ANGPT2: variants seen among roughly 807,000 people sequenced by gnomAD.
ANGPT2 encodes the protein angiopoietin 2.
ANGPT2 carries 28 observed loss-of-function variants against 62.9 expected under a neutral mutation model. The ratio of observed to expected loss-of-function variants is 0.44; its 90% confidence interval spans 0.33 to 0.61. The LOEUF (loss-of-function observed/expected upper bound fraction) is 0.61. Ranked by LOEUF, ANGPT2 falls within the 20% of genes least tolerant of loss-of-function variation. The pLI is 0.03. For synonymous variants in ANGPT2, 284 were observed against 207.8 expected (o/e 1.37, Z -3.15); for missense variants, 727 against 594.9 (o/e 1.22, Z -2.31).
At chr8:6,504,304 T>A (rs560368080) in intron 8 of ANGPT2, among the ~76,000 whole-genome samples, 1 of 113,512 alleles carries the variant, frequency 8.8e-6, no homozygotes. Context: ...GGCGACAGAG[T>A]GAGACTCCAG....
At chr8:6,545,800 C>T (rs1822476346) in intron 1 of ANGPT2, among the ~76,000 whole-genome samples, 1 of 152,202 alleles carries the variant, frequency 6.6e-6, no homozygotes, top group Admixed American at 6.5e-5. Flanking sequence ...AATAGTTCTA[C>T]CCATTGCCCA....
intron 8 of ANGPT2, among the ~76,000 whole-genome samples, chr8:6,505,497 ATATATG>A (rs1488823435): frequency 0.089 from 288 of 3,252 alleles, 11 homozygotes; most frequent in African/African-American, 0.12. Context: ...TATATTCTTT[ATATATG>A]TATATATAGA....
rs756954281 is a variant in ANGPT2 at position 6,508,572 on chromosome 8, G to T, written c.1327+360C>A. 9.6e-6 allele frequency: 4 copies of T among 418,154 alleles called. No individual in the cohort carries two copies. The Admixed American group carries it at 1.3e-4, about 13-fold the overall frequency. 25.9% of individuals were successfully genotyped at this position (418,154 alleles called of 1,614,324 possible). ...TATAATCTATATTACTGTTGTGGTTGCTACTTGGAATTTTTAACTTTTTAC... is the reference window on the plus strand; with the variant it reads ...TATAATCTATATTACTGTTGTGGTTTCTACTTGGAATTTTTAACTTTTTAC... On this transcript the variant is annotated intron_variant, in intron 8 of 8. Coordinates refer to ENST00000629816, the MANE Select transcript of ANGPT2 (RefSeq NM_001118887.2).
At position 6,526,881 on chromosome 8, in the gene ANGPT2, AT is replaced by A. The variant is rs891585547; in HGVS notation, c.566+673del. 1.1e-4 allele frequency among the ~76,000 whole-genome samples: 16 copies of A among 151,746 alleles called. No homozygotes were observed. The East Asian group carries it at 2.1e-3, about 20-fold the overall frequency. On this transcript the variant is annotated intron_variant, in intron 3 of 8. Coordinates refer to ENST00000629816, the MANE Select transcript of ANGPT2 (RefSeq NM_001118887.2). The stretch of plus-strand genomic sequence containing the variant: ...AAACAGTCCCCACCTATCCCCTACA[AT>A]TTTTTTTCTATTGTTGATCTTGAGA...
chr8:6,562,893 G>A lies in ANGPT2; in HGVS notation c.42C>T (p.Val14=), dbSNP rs761906666. The change falls in exon 1 of 9, where the codon GTC becomes GTT. Residue 14 remains valine, a synonymous_variant. Transcript: ENST00000629816. ...IVFFTLSCDL[V]LAAAYNNFRK... ...GAAAGTTGTTATAGGCTGCGGCCAA[G>A]ACAAGATCACAGCTCAGAGTAAAGA... 7.5e-6 allele frequency: 12 copies of A among 1,608,154 alleles called. No individual in the cohort carries two copies. Among genetic ancestry groups the A allele is most frequent in the African/African-American group, 6.7e-5 (5 of 74,880 alleles).
chr8:6,523,789 A>T (rs1039412909), intron 3 of ANGPT2, among the ~76,000 whole-genome samples: 1 of 151,462 alleles, frequency 6.6e-6, no homozygotes. Flanking sequence ...TGGTTTCATT[A>T]TGTTGTCCAG....
At chr8:6,523,636 C>T (rs916948506) in intron 3 of ANGPT2, among the ~76,000 whole-genome samples, 3 of 152,130 alleles carry the variant, frequency 2.0e-5, no homozygotes, top group African/African-American at 7.2e-5. Flanking sequence ...GTGGCCTGGG[C>T]TGTTGTGCAG....
chr8:6,559,522 C>A (rs76364735), intron 1 of ANGPT2, among the ~76,000 whole-genome samples: 1 of 151,730 alleles, frequency 6.6e-6, no homozygotes, highest in Non-Finnish European at 1.5e-5. Flanking sequence ...AAACAAAAAA[C>A]GATGGCAGAG....
At chr8:6,550,668 T>C (rs1207029989) in intron 1 of ANGPT2, among the ~76,000 whole-genome samples, 1 of 152,200 alleles carries the variant, frequency 6.6e-6, no homozygotes, top group Non-Finnish European at 1.5e-5. Context: ...GTGGATTTTA[T>C]ATTGAAATCT....
chr8:6,513,377 G>A (rs1815570130), intron 7 of ANGPT2, among the ~76,000 whole-genome samples: 1 of 148,240 alleles, frequency 6.7e-6, no homozygotes, highest in Non-Finnish European at 1.5e-5. Flanking sequence ...CTGTCGCCCA[G>A]GTTGCAGTGC....
Position 6,521,198 on chromosome 8 carries a change from G to C in ANGPT2, c.779C>G (p.Thr260Ser). 1 of 1,613,312 alleles carries C rather than the reference G, an allele frequency of 6.2e-7. No individual in the cohort carries two copies. Among genetic ancestry groups the C allele is most frequent in the Non-Finnish European group, 8.5e-7 (1 of 1,179,448 alleles). The change falls in exon 4 of 9, where the codon ACT becomes AGT. Residue 260 changes from threonine (T) to serine (S), a missense_variant. Thr to Ser is a moderately conservative substitution (Grantham distance 58). Transcript: ENST00000629816. ...DLMETVNNLL[T>S]MMSTSNSKDP... ...CTTACAGTTTGATGTGGACATCATA[G>C]TCAGTAAGTTATTAACTGTCTCCAT...
intron 1 of ANGPT2, among the ~76,000 whole-genome samples, chr8:6,560,126 T>A (rs1563128066): frequency 6.6e-6 from 1 of 152,210 alleles, no homozygotes; most frequent in Non-Finnish European, 1.5e-5. Context: ...TGACACATGT[T>A]TTAATTTCCT....
At chr8:6,510,561 T>G (rs1202690507) in intron 7 of ANGPT2, among the ~76,000 whole-genome samples, 3 of 152,326 alleles carry the variant, frequency 2.0e-5, no homozygotes, top group Non-Finnish European at 4.4e-5. Context: ...CACTGGATGC[T>G]TATAACCACC....
At position 6,503,152 on chromosome 8, in the gene ANGPT2, T is replaced by G; in HGVS notation, c.1437A>C (p.Ser479=). The change falls in exon 9 of 9, where the codon TCA becomes TCC. Residue 479 remains serine (S), a synonymous_variant. Transcript: ENST00000629816. ...NGIKWYYWKG[S]GYSLKATTMM... is the part of the protein sequence containing the mutation. ...TGGTTGTGGCCTTGAGCGAATAGCCTGAGCCTTTCCAGTAGTACCATTTAA... is the reference window on the plus strand; with the variant it reads ...TGGTTGTGGCCTTGAGCGAATAGCCGGAGCCTTTCCAGTAGTACCATTTAA... 2 of 1,614,228 alleles carry G rather than the reference T, an allele frequency of 1.2e-6. No individual in the cohort carries two copies. Among genetic ancestry groups the G allele is most frequent in the African/African-American group, 1.3e-5 (1 of 75,070 alleles).
chr8:6,514,438 C>G (rs1035004423), intron 6 of ANGPT2, among the ~76,000 whole-genome samples: 2 of 152,162 alleles, frequency 1.3e-5, no homozygotes, highest in Admixed American at 6.5e-5. Context: ...ATCCATCTGC[C>G]TCGGCCTCCC....
rs1046949907 is a variant in ANGPT2, at chr8:6,527,620, T to G, written c.501A>C (p.Thr167=). Residue 167 remains threonine (T), a synonymous_variant, in exon 3 of 9, where the codon ACA becomes ACC. Coordinates refer to ENST00000629816, the MANE Select transcript of ANGPT2 (RefSeq NM_001118887.2). ...ELQLLEHSLS[T]NKLEKQILDQ... ...CCAAAATCTGTTTTTCCAATTTGTTTGTCGAGAGGGAGTGTTCCAAGAGCT... is the reference window on the plus strand; with the variant it reads ...CCAAAATCTGTTTTTCCAATTTGTTGGTCGAGAGGGAGTGTTCCAAGAGCT... 7 of 1,614,006 alleles carry G rather than the reference T, an allele frequency of 4.3e-6. No individual in the cohort carries two copies. The African/African-American group carries it at 9.3e-5, about 22-fold the overall frequency.
chr8:6,540,102 G>A (rs563488875), intron 1 of ANGPT2, among the ~76,000 whole-genome samples: 23 of 152,204 alleles, frequency 1.5e-4, no homozygotes, highest in Non-Finnish European at 2.6e-4. Context: ...AGTAATTTGA[G>A]TGTACCAGAA....
At chr8:6,531,409 C>G (rs1009809159) in intron 2 of ANGPT2, among the ~76,000 whole-genome samples, 3 of 151,960 alleles carry the variant, frequency 2.0e-5, no homozygotes, top group African/African-American at 7.3e-5. Context: ...CTGCCTCAGC[C>G]TCCCAAGTAG....
intron 7 of ANGPT2, 83 bp downstream of exon 7, chr8:6,513,595 A>G (rs1030276190): frequency 4.2e-6 from 5 of 1,178,244 alleles, no homozygotes; most frequent in Non-Finnish European, 4.7e-6. Context: ...GGCCTCCCAA[A>G]GTGCTGGGAT....
Sources: allele counts gnomAD v4.1 joint callset (sites outside exome capture counted in the v4.1 genomes callset), GRCh38; gene constraint gnomAD v4.1.1; transcripts MANE v1.5; gene names NCBI Gene and HGNC (gene_info 2026-07-23, HGNC 2026-07-21).